PIGA: variants seen among roughly 807,000 people sequenced by gnomAD.
The protein encoded by PIGA is phosphatidylinositol glycan anchor biosynthesis class A.
Under a neutral mutation model 17.1 loss-of-function variants are expected in PIGA, and 3 were observed. That is an observed-to-expected ratio of 0.18 (90% CI 0.08 to 0.45). The LOEUF (loss-of-function observed/expected upper bound fraction) is 0.45. PIGA is among the 20% of genes least tolerant of loss of function. PIGA has a pLI of 0.99. For synonymous variants in PIGA, 126 were observed against 135.1 expected (o/e 0.93, Z 0.47); for missense variants, 231 against 374.1 (o/e 0.62, Z 3.16).
chrX:15,326,114 G>A, intron 2 of PIGA, 68 bp from the exon 3 acceptor site: 2 of 719,719 alleles, frequency 2.8e-6, no homozygotes, highest in South Asian at 6.3e-5. Context: ...CAGAACGACT[G>A]AGAATCCACT....
At chrX:15,335,322 T>C in intron 1 of PIGA, 179 bp downstream of exon 1, 1 of 372,657 alleles carries the variant, frequency 2.7e-6, no homozygotes. Flanking sequence ...ACCCAGCGCG[T>C]CCGCCCTAAA....
At chrX:15,335,543 G>A, upstream of PIGA, 1 of 963,097 alleles carries the variant, frequency 1.0e-6, no homozygotes, top group Non-Finnish European at 1.3e-6. Context: ...TCCCGCGGCT[G>A]CAGCCGGAGT....
At position 15,335,512 on chromosome X, in the gene PIGA, A is replaced by C; in HGVS notation, c.-74T>G. The C allele has an allele frequency of 1.0e-6, 1 of 977,821 alleles. No homozygotes were observed. The allele number at this position is 977,821 out of a possible 1,213,427, so 80.6% of individuals were successfully genotyped here. A position where few individuals can be genotyped will look rare whatever the true frequency, so the allele number is the denominator to read the frequency against. On this transcript the variant is annotated 5_prime_UTR_variant, in exon 1 of 6. An upstream start codon of the reference 5' UTR is lost. Transcript: ENST00000333590. Reference sequence around the variant, plus strand: ...CGACGCGCACTCACCGGTGAGTTCCATGGCCGCCAGTGTCCGGACCTCCCG... The same window carrying C: ...CGACGCGCACTCACCGGTGAGTTCCCTGGCCGCCAGTGTCCGGACCTCCCG...
rs775330646 is a variant in PIGA, at chrX:15,321,534, T to C, written c.1427A>G (p.Glu476Gly). The change falls in exon 6 of 6, where the codon GAG becomes GGG. Residue 476 changes from glutamate to glycine, a missense_variant. By Grantham distance (98) the Glu-to-Gly change is moderately conservative. Transcript: ENST00000333590. The stretch of plus-strand genomic sequence containing the variant: ...CCTGGTTTCAGATATCTCATTATTC[T>C]CACCCCCTCTTTTACTGTGAGAATA... Reference protein sequence around the residue: ...NNYSHSKRGGENNEISETR With the variant: ...NNYSHSKRGGGNNEISETR The C allele has an allele frequency of 4.5e-5, 54 of 1,206,432 alleles. No individual in the cohort carries two copies. Among genetic ancestry groups the C allele is most frequent in the Non-Finnish European group, 5.7e-5 (51 of 891,562 alleles).
chrX:15,334,677 A>G (rs1475069283), intron 1 of PIGA, among the ~76,000 whole-genome samples: 2 of 112,039 alleles, frequency 1.8e-5, no homozygotes, highest in Non-Finnish European at 3.8e-5. Flanking sequence ...TTAAAAGATG[A>G]ACGATAGCAA....
Position 15,325,972 on chromosome X carries a change from C to T in PIGA, c.790G>A (p.Glu264Lys), listed in dbSNP as rs755799077. 3 of 1,190,806 alleles carry T rather than the reference C, an allele frequency of 2.5e-6. No individual in the cohort carries two copies. The highest frequency in any genetic ancestry group is 3.4e-6 in the Non-Finnish European group (3 of 877,690). Residue 264 changes from glutamate (E) to lysine (K), a missense_variant, in exon 3 of 6, where the codon GAG (glutamate) becomes AAG (lysine). Coordinates refer to ENST00000333590, the MANE Select transcript of PIGA (RefSeq NM_002641.4). ...TCCAAAATGATTCTCTTTGGTCCCT[C>T]TCCTCCAATTATGAAATTTAAATCT... ...YPDLNFIIGG[E>K]GPKRIILEEV...
chrX:15,330,307 C>CATCA (rs2147722662), intron 2 of PIGA, among the ~76,000 whole-genome samples: 1 of 111,882 alleles, frequency 8.9e-6, no homozygotes, highest in African/African-American at 3.2e-5. Context: ...CCCTTTTCTT[C>CATCA]ATCACTTACC....
chrX:15,329,602 A>G (rs1922089184), intron 2 of PIGA, among the ~76,000 whole-genome samples: 2 of 111,064 alleles, frequency 1.8e-5, no homozygotes, highest in Middle Eastern at 4.6e-3. Flanking sequence ...TTAACTATTT[A>G]AGGGGGTATG....
intron 2 of PIGA, chrX:15,327,087 G>A (rs1363251420): frequency 4.5e-5 from 5 of 110,296 alleles, no homozygotes; most frequent in Admixed American, 9.6e-5. Context: ...GTGAAACCCC[G>A]TCTCTACTAA....
chrX:15,331,625 T>C lies in PIGA; in HGVS notation c.306A>G (p.Thr102=). Residue 102 remains threonine, a synonymous_variant, in exon 2 of 6, where the codon ACA becomes ACG. Transcript: ENST00000333590. ...GCAGACTGTGAAAGAGGGTCGTGGC[T>C]GTAGACTGGTTGTACATGACTTTCA... ...LPLKVMYNQS[T]ATTLFHSLPL... is the part of the protein sequence containing the mutation. 2.5e-6 allele frequency: 3 copies of C among 1,211,882 alleles called. No homozygotes were observed. The highest frequency in any genetic ancestry group is 3.4e-6 in the Non-Finnish European group (3 of 895,394).
rs1921918135 is a variant in PIGA at position 15,324,689 on chromosome X, C to G, written c.1164G>C (p.Arg388Ser). The G allele has an allele frequency of 1.7e-6, 2 of 1,201,952 alleles. No homozygotes were observed. Among genetic ancestry groups the G allele is most frequent in the Non-Finnish European group, 2.3e-6 (2 of 887,929 alleles). ...HNIVKTFYTW[R>S]NVAERTEKVY... is the part of the protein sequence containing the mutation. ...CCTTTTCAGTTCTTTCTGCAACATT[C>G]CTCCAGGTGTAGAAAGTCTTTACTA... The change falls in exon 5 of 6, where the codon AGG becomes AGC. Residue 388 changes from arginine to serine, a missense_variant. Arg to Ser is a moderately radical substitution (Grantham distance 110). Coordinates refer to ENST00000333590, the MANE Select transcript of PIGA (RefSeq NM_002641.4).
At position 15,331,553 on chromosome X, in the gene PIGA, A is replaced by G. The variant is rs1386304246; in HGVS notation, c.378T>C (p.His126=). 8.3e-7 allele frequency: 1 copy of G among 1,209,745 alleles called. No homozygotes were observed. The highest frequency in any genetic ancestry group is 1.7e-5 in the African/African-American group (1 of 57,225). Residue 126 remains histidine, a synonymous_variant, in exon 2 of 6, where the codon CAT becomes CAC. Coordinates refer to ENST00000333590, the MANE Select transcript of PIGA (RefSeq NM_002641.4). The part of the protein sequence containing the change: ...IFVRERVTII[H]SHSSFSAMAH... ...CCATAGCAGAAAAAGAACTATGTGA[A>G]TGGATTATCGTGACTCTCTCCCGAA...
chrX:15,329,183 T>C (rs980490410), intron 2 of PIGA, among the ~76,000 whole-genome samples: 5 of 112,524 alleles, frequency 4.4e-5, no homozygotes, highest in Admixed American at 2.8e-4. Context: ...CAAGAATCAA[T>C]TGTTTGTTCA....
rs1006798135 is a variant in PIGA, at chrX:15,331,749, A to G, written c.182T>C (p.Ile61Thr). The change falls in exon 2 of 6, where the codon ATT becomes ACT. Residue 61 changes from isoleucine to threonine, a missense_variant. By Grantham distance (89) the Ile-to-Thr change is moderately conservative. Transcript: ENST00000333590. ...AATTATAACCTTATGCCCTCTTTCA[A>G]TCAGGCACTGAGAGAGCTGGTAAAT... ...SHIYQLSQCLIERGHKVIIVT... is the reference protein window; with the variant it reads ...SHIYQLSQCLTERGHKVIIVT... The G allele has an allele frequency of 1.7e-6, 2 of 1,210,584 alleles. No homozygotes were observed. The highest frequency in any genetic ancestry group is 2.2e-6 in the Non-Finnish European group (2 of 895,333).
At position 15,323,020 on chromosome X, in the gene PIGA, C is replaced by T. The variant is rs181449072; in HGVS notation, c.1189-1248G>A. On this transcript the variant is annotated intron_variant, in intron 5 of 5. Coordinates refer to ENST00000333590, the MANE Select transcript of PIGA (RefSeq NM_002641.4). ...TTTACTATTATGAAGAGAATGTTAG[C>T]GATGACAATCCATTATAGGCAAGGA... Among the ~76,000 whole-genome samples the T allele has an allele frequency of 5.4e-5, 6 of 111,436 alleles. No homozygotes were observed. In the East Asian group the frequency reaches 1.4e-3, roughly 26 times the overall value.
rs1179868704 is a variant in PIGA, at chrX:15,325,840, G to A, written c.848+74C>T. On this transcript the variant is annotated intron_variant, in intron 3 of 5. Coordinates refer to ENST00000333590, the MANE Select transcript of PIGA (RefSeq NM_002641.4). ...ATGCAGGAGAAGCAACACACCTAAG[G>A]TACGCATGCAGTTAAAACCAAATAG... 7.4e-6 allele frequency: 6 copies of A among 807,725 alleles called. No homozygotes were observed. In the African/African-American group the frequency reaches 8.3e-5, roughly 11 times the overall value. The allele number at this position is 807,725 out of a possible 1,213,427, so 66.6% of individuals were successfully genotyped here. A position where few individuals can be genotyped will look rare whatever the true frequency, so the allele number is the denominator to read the frequency against.
At chrX:15,334,993 G>C (rs1035730860) in intron 1 of PIGA, among the ~76,000 whole-genome samples, 1 of 112,048 alleles carries the variant, frequency 8.9e-6, no homozygotes, top group African/African-American at 3.3e-5. Context: ...CGACCAACGA[G>C]CCCTGGGCAA....
At chrX:15,335,417 C>G in intron 1 of PIGA, 84 bp downstream of exon 1, 1 of 904,303 alleles carries the variant, frequency 1.1e-6, no homozygotes, top group Non-Finnish European at 1.4e-6. Context: ...CCCTCCACCA[C>G]CCGCCACGAT....
intron 1 of PIGA, 90 bp downstream of exon 1, chrX:15,335,411 C>G: frequency 1.1e-6 from 1 of 871,876 alleles, no homozygotes; most frequent in Non-Finnish European, 1.5e-6. Flanking sequence ...TTCACCCCCT[C>G]CACCACCCGC....
Sources: gnomAD v4.1 joint callset for allele counts (sites outside exome capture counted in the v4.1 genomes callset) on GRCh38, gnomAD v4.1.1 for gene constraint, MANE v1.5 for transcripts, NCBI Gene and HGNC (gene_info 2026-07-23, HGNC 2026-07-21) for gene names.